The following GSK3B variants were observed in gnomAD, a reference collection of about 807,000 sequenced individuals.
GSK3B encodes the protein glycogen synthase kinase-3 beta.
GSK3B carries 15 observed loss-of-function variants against 56.4 expected under a neutral mutation model. The observed-to-expected ratio is 0.27, with a 90% CI of 0.18 to 0.41. GSK3B has a LOEUF of 0.41. Among genes scored for constraint, GSK3B ranks in the 10% least tolerant of loss-of-function variants. GSK3B has a pLI of 1.00. For missense variants in GSK3B, 300 were observed against 513.4 expected (o/e 0.58, Z 4.02); for synonymous variants, 181 against 188.9 (o/e 0.96, Z 0.34).
intron 3 of GSK3B, among the ~76,000 whole-genome samples, chr3:119,944,803 T>C (rs2057084242): frequency 6.6e-6 from 1 of 152,186 alleles, no homozygotes; most frequent in Non-Finnish European, 1.5e-5. Context: ...ATATATAATA[T>C]ACATAAGCAA....
At chr3:119,842,873 T>C (rs896823654) in intron 10 of GSK3B, among the ~76,000 whole-genome samples, 1 of 152,218 alleles carries the variant, frequency 6.6e-6, no homozygotes, top group African/African-American at 2.4e-5. Context: ...TAAATGTTCA[T>C]ACTCATCAAA....
intron 3 of GSK3B, among the ~76,000 whole-genome samples, chr3:119,939,725 A>T (rs1307788529): frequency 6.6e-6 from 1 of 152,198 alleles, no homozygotes; most frequent in Admixed American, 6.5e-5. Context: ...AAATAAGTCA[A>T]CAAAAAGGTC....
intron 7 of GSK3B, among the ~76,000 whole-genome samples, chr3:119,899,004 G>A (rs1435182979): frequency 6.6e-6 from 1 of 152,132 alleles, no homozygotes; most frequent in Admixed American, 6.6e-5. Flanking sequence ...CAGGCCTTGT[G>A]ACATAGCCTT....
chr3:119,945,129 T>C (rs2057087590), intron 3 of GSK3B, among the ~76,000 whole-genome samples: 1 of 152,208 alleles, frequency 6.6e-6, no homozygotes, highest in South Asian at 2.1e-4. Flanking sequence ...ATTCTCTCTT[T>C]GGTGGCTGGG....
At chr3:119,963,067 C>CA (rs1467000499) in intron 2 of GSK3B, among the ~76,000 whole-genome samples, 11 of 151,530 alleles carry the variant, frequency 7.3e-5, no homozygotes, top group East Asian at 1.9e-4. Context: ...ACAAACTATC[C>CA]AAAAAAAAGT....
chr3:119,985,259 C>A (rs1409597111), intron 2 of GSK3B, among the ~76,000 whole-genome samples: 1 of 152,100 alleles, frequency 6.6e-6, no homozygotes, highest in Non-Finnish European at 1.5e-5. Flanking sequence ...TGGAAGCATT[C>A]CCTTTGAAAA....
intron 1 of GSK3B, among the ~76,000 whole-genome samples, chr3:120,083,735 G>C (rs543111172): frequency 6.6e-6 from 1 of 152,214 alleles, no homozygotes; most frequent in East Asian, 1.9e-4. Flanking sequence ...ATTCATACTA[G>C]TCAAAAAGCA....
intron 1 of GSK3B, among the ~76,000 whole-genome samples, chr3:120,069,663 T>C (rs202166282): frequency 9.9e-6 from 1 of 101,484 alleles, no homozygotes; most frequent in African/African-American, 8.7e-5. Flanking sequence ...AAACAGTTTT[T>C]GGAAAAAAAA....
intron 7 of GSK3B, among the ~76,000 whole-genome samples, chr3:119,893,164 C>T (rs2056522651): frequency 6.6e-6 from 1 of 152,008 alleles, no homozygotes; most frequent in Non-Finnish European, 1.5e-5. Flanking sequence ...TGCTCCACCA[C>T]ACCCAGCTAA....
chr3:119,855,835 GGGGGGA>G (rs1342521193), intron 9 of GSK3B, among the ~76,000 whole-genome samples: 1 of 152,060 alleles, frequency 6.6e-6, no homozygotes, highest in African/African-American at 2.4e-5. Context: ...GTCGTGCGGT[GGGGGGA>G]GGGGGAGGGG....
At chr3:120,004,260 G>A (rs1240603973) in intron 1 of GSK3B, among the ~76,000 whole-genome samples, 1 of 152,226 alleles carries the variant, frequency 6.6e-6, no homozygotes, top group African/African-American at 2.4e-5. Flanking sequence ...CAAAGCAGCA[G>A]GGAAGCTCAA....
At chr3:119,973,278 A>G (rs1451288548) in intron 2 of GSK3B, among the ~76,000 whole-genome samples, 1 of 152,202 alleles carries the variant, frequency 6.6e-6, no homozygotes, top group Non-Finnish European at 1.5e-5. Flanking sequence ...GTAATAAACT[A>G]TTCATAAATT....
At chr3:120,027,962 T>C (rs545349614) in intron 1 of GSK3B, among the ~76,000 whole-genome samples, 17 of 152,278 alleles carry the variant, frequency 1.1e-4, no homozygotes, top group Admixed American at 3.3e-4. Context: ...TAAAAAAAAA[T>C]CCAATATGCT....
intron 2 of GSK3B, among the ~76,000 whole-genome samples, chr3:119,969,988 C>T (rs2057351286): frequency 2.6e-5 from 4 of 152,210 alleles, no homozygotes; most frequent in Admixed American, 2.0e-4. Context: ...CCTGCCCATT[C>T]ATCACATAGC....
intron 2 of GSK3B, among the ~76,000 whole-genome samples, chr3:119,981,665 T>C (rs1489633525): frequency 6.6e-6 from 1 of 152,208 alleles, no homozygotes; most frequent in Non-Finnish European, 1.5e-5. Flanking sequence ...TTGCTGAGGC[T>C]TGAGTAGGTA....
intron 10 of GSK3B, among the ~76,000 whole-genome samples, chr3:119,840,515 C>T (rs892225591): frequency 4.6e-5 from 7 of 152,050 alleles, no homozygotes; most frequent in Admixed American, 2.0e-4. Flanking sequence ...TGAGCCACCG[C>T]GCCTGGCCGA....
intron 7 of GSK3B, among the ~76,000 whole-genome samples, chr3:119,904,028 G>T (rs1451318648): frequency 6.6e-6 from 1 of 151,958 alleles, no homozygotes; most frequent in African/African-American, 2.4e-5. Context: ...TAAGAGAAAG[G>T]TTATATTTCC....
chr3:120,050,440 G>T (rs1443940239), intron 1 of GSK3B, among the ~76,000 whole-genome samples: 1 of 152,206 alleles, frequency 6.6e-6, no homozygotes, highest in East Asian at 1.9e-4. Flanking sequence ...GCAAACCTCT[G>T]GTCTAGGCAG....
chr3:120,075,647 A>G (rs571947091), intron 1 of GSK3B, among the ~76,000 whole-genome samples: 6 of 152,330 alleles, frequency 3.9e-5, no homozygotes, highest in African/African-American at 1.2e-4. Flanking sequence ...GTATCAACAA[A>G]CAAAATACTT....
Sources: allele counts gnomAD v4.1 joint callset (sites outside exome capture counted in the v4.1 genomes callset), GRCh38; gene constraint gnomAD v4.1.1; transcripts MANE v1.5; gene names NCBI Gene and HGNC (gene_info 2026-07-23, HGNC 2026-07-21).